Variants in IQCM observed in about 807,000 individuals in gnomAD.
IQCM encodes IQ motif containing M.
In IQCM, 45 loss-of-function variants were observed where a neutral mutation model predicts 57.6. The ratio of observed to expected loss-of-function variants is 0.78; its 90% CI spans 0.62 to 1.00. The LOEUF (loss-of-function observed/expected upper bound fraction) is 1.00, where lower values mean the gene tolerates loss of function less well. Among genes scored for constraint, IQCM ranks in the 50% least tolerant of loss-of-function variants. The probability of loss-of-function intolerance (pLI) is 0.00; values close to 1 mark genes in which losing one functional copy is unlikely to be tolerated. For synonymous variants in IQCM, 148 were observed against 158.9 expected, an observed-to-expected ratio of 0.93 and a Z score of 0.51; for missense variants, 468 against 511.6, an observed-to-expected ratio of 0.91 and a Z score of 0.82.
chr4:149,630,559 A>G (rs559029185), intron 7 of IQCM, among the ~76,000 whole-genome samples: 1 of 152,310 alleles, frequency 6.6e-6, no homozygotes, highest in South Asian at 2.1e-4. Context: ...ATCTCACATA[A>G]TTTGATTTTT....
At chr4:149,596,538 C>T (rs1385015860) in intron 8 of IQCM, among the ~76,000 whole-genome samples, 3 of 151,992 alleles carry the variant, frequency 2.0e-5, no homozygotes, top group Non-Finnish European at 2.9e-5. Flanking sequence ...AAGAAAAGTA[C>T]TCATAAAACC....
chr4:149,661,564 G>T (rs1317350259), intron 7 of IQCM, among the ~76,000 whole-genome samples: 1 of 152,268 alleles, frequency 6.6e-6, no homozygotes, highest in East Asian at 1.9e-4. Context: ...GATTTCAGCA[G>T]TGAAGTCATC....
In IQCM at chr4:149,430,053, C is replaced by G. The variant is rs1579031019; in HGVS notation, c.1390+3343G>C. ...AACTGCAGAGAAAATAAATAGCAGTCAGGTTCTTAATTCATCTTATTAAAC... is the reference window on the plus strand; with the variant it reads ...AACTGCAGAGAAAATAAATAGCAGTGAGGTTCTTAATTCATCTTATTAAAC... On this transcript the variant is annotated intron_variant, in intron 13 of 13. Coordinates refer to ENST00000636793, the MANE Select transcript of IQCM (RefSeq NM_001363507.2). 6 of 1,216,064 alleles carry G rather than the reference C, an allele frequency of 4.9e-6. No individual in the cohort carries two copies. The East Asian group carries it at 1.9e-4, about 39-fold the overall frequency. The allele number at this position is 1,216,064 out of a possible 1,614,324, so 75.3% of individuals were successfully genotyped here. A position where few individuals can be genotyped will look rare whatever the true frequency, so the allele number is the denominator to read the frequency against.
intron 8 of IQCM, among the ~76,000 whole-genome samples, chr4:149,615,158 A>G (rs1755675985): frequency 6.6e-6 from 1 of 152,098 alleles, no homozygotes; most frequent in African/African-American, 2.4e-5. Flanking sequence ...TATGACTACA[A>G]TCCCCTACAT....
intron 2 of IQCM, among the ~76,000 whole-genome samples, chr4:149,803,639 C>A (rs913945024): frequency 3.3e-5 from 5 of 151,824 alleles, no homozygotes; most frequent in African/African-American, 1.2e-4. Flanking sequence ...TGGACAGTTG[C>A]ATGAAAAGGA....
At chr4:149,429,448 G>A (rs1033088093) in intron 13 of IQCM, among the ~76,000 whole-genome samples, 4 of 151,794 alleles carry the variant, frequency 2.6e-5, no homozygotes, top group Non-Finnish European at 5.9e-5. Flanking sequence ...CAGCATTCCA[G>A]TTACAATCAA....
chr4:149,394,541 A>G (rs1319354979), intron 13 of IQCM, among the ~76,000 whole-genome samples: 1 of 151,942 alleles, frequency 6.6e-6, no homozygotes, highest in East Asian at 1.9e-4. Context: ...ACACCTGCCT[A>G]TGGAGAGAGT....
intron 7 of IQCM, among the ~76,000 whole-genome samples, chr4:149,626,341 A>G (rs1046415249): frequency 6.9e-6 from 1 of 145,830 alleles, no homozygotes; most frequent in African/African-American, 2.5e-5. Context: ...CAGACAGCCT[A>G]TTGTGGGACC....
chr4:149,721,943 G>A (rs1765484075), intron 5 of IQCM, among the ~76,000 whole-genome samples: 2 of 151,942 alleles, frequency 1.3e-5, no homozygotes, highest in Non-Finnish European at 2.9e-5. Flanking sequence ...CACCACATCT[G>A]TGCCAACATC....
chr4:149,686,784 T>C (rs1762573087), intron 5 of IQCM, among the ~76,000 whole-genome samples: 1 of 151,560 alleles, frequency 6.6e-6, no homozygotes, highest in African/African-American at 2.4e-5. Flanking sequence ...GCCTCATTTA[T>C]ACATATCAGT....
At chr4:149,567,387 C>T (rs940274048) in intron 9 of IQCM, among the ~76,000 whole-genome samples, 1 of 152,006 alleles carries the variant, frequency 6.6e-6, no homozygotes, top group Non-Finnish European at 1.5e-5. Flanking sequence ...CACTCTGTCA[C>T]CCAGGCCGGA....
intron 8 of IQCM, among the ~76,000 whole-genome samples, chr4:149,598,046 A>T (rs1486837412): frequency 6.6e-6 from 1 of 152,212 alleles, no homozygotes; most frequent in Non-Finnish European, 1.5e-5. Context: ...GATAACTTCA[A>T]AATGCTAAGA....
At chr4:149,590,247 C>CTTTTTTTTTT (rs71596214) in intron 8 of IQCM, among the ~76,000 whole-genome samples, 5 of 73,630 alleles carry the variant, frequency 6.8e-5, no homozygotes, top group East Asian at 4.3e-4. Context: ...TTTTTCTTTC[C>CTTTTTTTTTT]TTTTTTTTTT....
At chr4:149,740,492 C>T (rs1028288735) in intron 3 of IQCM, among the ~76,000 whole-genome samples, 1 of 152,058 alleles carries the variant, frequency 6.6e-6, no homozygotes, top group East Asian at 1.9e-4. Context: ...CCACCAACAC[C>T]CCCTACCGCT....
At chr4:149,587,773 C>T (rs1276625168) in intron 9 of IQCM, among the ~76,000 whole-genome samples, 157 bp downstream of exon 9, 3 of 151,652 alleles carry the variant, frequency 2.0e-5, no homozygotes, top group Admixed American at 6.6e-5. Context: ...TCCTTTCCTC[C>T]GTCAAATTAA....
chr4:149,601,371 A>T (rs1270512263), intron 8 of IQCM, among the ~76,000 whole-genome samples: 1 of 152,194 alleles, frequency 6.6e-6, no homozygotes, highest in East Asian at 1.9e-4. Flanking sequence ...GTAAACTTAA[A>T]CAATGACACA....
intron 8 of IQCM, among the ~76,000 whole-genome samples, chr4:149,592,574 GGTTT>G (rs1753306167): frequency 6.6e-6 from 1 of 151,662 alleles, no homozygotes; most frequent in Non-Finnish European, 1.5e-5. Flanking sequence ...TTTCTTCTAG[GGTTT>G]TTATGGTTTT....
rs193067057 is a variant in IQCM at position 149,665,074 on chromosome 4, T to C, written c.565+17044A>G. On this transcript the variant is annotated intron_variant, in intron 7 of 13. Coordinates refer to ENST00000636793, the MANE Select transcript of IQCM (RefSeq NM_001363507.2). ...GCAGTGCTGCAGAAACCCATGTGAA[T>C]GTGGTGGAACAACTGTAGGGCCTCA... Among the ~76,000 whole-genome samples, 212 of 152,278 alleles carry C rather than the reference T, an allele frequency of 1.4e-3. 1 individual carries two copies. The highest frequency in any genetic ancestry group is 4.4e-4 in the Non-Finnish European group (30 of 68,022).
intron 5 of IQCM, among the ~76,000 whole-genome samples, chr4:149,700,938 G>C (rs955935225): frequency 6.6e-6 from 1 of 152,002 alleles, no homozygotes; most frequent in Non-Finnish European, 1.5e-5. Flanking sequence ...GGACTCCTGA[G>C]TCCACTAAGG....
Sources: gnomAD v4.1 joint callset for allele counts (sites outside exome capture counted in the v4.1 genomes callset) on GRCh38, gnomAD v4.1.1 for gene constraint, MANE v1.5 for transcripts, NCBI Gene and HGNC (gene_info 2026-07-23, HGNC 2026-07-21) for gene names.